The following LRP1B variants were observed in gnomAD, a reference collection of about 807,000 sequenced individuals.
LRP1B encodes the protein LDL receptor related protein 1B, also known as low-density lipoprotein receptor-related protein 1B.
In LRP1B, 217 loss-of-function variants were observed where a neutral mutation model predicts 556.6. The ratio of observed to expected loss-of-function variants is 0.39; its 90% CI spans 0.35 to 0.44. The LOEUF (loss-of-function observed/expected upper bound fraction) is 0.44. Ranked by LOEUF, LRP1B falls within the 20% of genes least tolerant of loss-of-function variation. The pLI, the probability that LRP1B is intolerant of heterozygous loss-of-function variation, is 1.00. For missense variants in LRP1B, 5,053 were observed against 5,620.8 expected (o/e 0.90, Z 3.23); for synonymous variants, 2,047 against 1,865.8 (o/e 1.10, Z -2.50).
At chr2:141,462,115 T>C (rs2105044550) in intron 3 of LRP1B, among the ~76,000 whole-genome samples, 1 of 152,282 alleles carries the variant, frequency 6.6e-6, no homozygotes, top group South Asian at 2.1e-4. Flanking sequence ...CTGAAAGCCT[T>C]CTCTCAGACA....
intron 18 of LRP1B, among the ~76,000 whole-genome samples, chr2:140,964,843 A>G (rs900169698): frequency 6.6e-6 from 1 of 152,138 alleles, no homozygotes; most frequent in African/African-American, 2.4e-5. Context: ...GCCACCCACA[A>G]CCTGGGAGGC....
At chr2:141,159,931 G>A (rs1679925893) in intron 7 of LRP1B, among the ~76,000 whole-genome samples, 1 of 152,040 alleles carries the variant, frequency 6.6e-6, no homozygotes, top group Admixed American at 6.6e-5. Context: ...TTATAAGTGG[G>A]AACTGAACAT....
intron 1 of LRP1B, among the ~76,000 whole-genome samples, chr2:141,980,543 G>C (rs1014504276): frequency 6.6e-6 from 1 of 152,060 alleles, no homozygotes; most frequent in African/African-American, 2.4e-5. Flanking sequence ...ACATTCAGTG[G>C]AGAAACTGGA....
chr2:140,679,780 C>T (rs1196655277), intron 41 of LRP1B, among the ~76,000 whole-genome samples: 2 of 151,628 alleles, frequency 1.3e-5, no homozygotes, highest in African/African-American at 2.4e-5. Context: ...CACCAAGATC[C>T]CACCTGGGTT....
At chr2:141,687,566 T>C (rs534073195) in intron 2 of LRP1B, among the ~76,000 whole-genome samples, 2 of 152,118 alleles carry the variant, frequency 1.3e-5, no homozygotes, top group East Asian at 3.9e-4. Context: ...ATAGAGTCAG[T>C]TGAATAAAAG....
At chr2:141,031,175 T>G (rs1353950267) in intron 11 of LRP1B, among the ~76,000 whole-genome samples, 1 of 151,662 alleles carries the variant, frequency 6.6e-6, no homozygotes. Context: ...TTTTAAGTGC[T>G]GAGACCATCA....
At chr2:140,878,591 G>C (rs112449234) in intron 25 of LRP1B, among the ~76,000 whole-genome samples, 2 of 152,212 alleles carry the variant, frequency 1.3e-5, no homozygotes, top group African/African-American at 2.4e-5. Context: ...TTATTTGTCA[G>C]TTGCTTTTAA....
At chr2:140,371,036 C>T (rs1051353282) in intron 70 of LRP1B, 143 bp downstream of exon 70, 2 of 788,400 alleles carry the variant, frequency 2.5e-6, no homozygotes, top group African/African-American at 1.8e-5. Context: ...CAGGTATTTG[C>T]TGAAATGATT....
chr2:141,554,955 A>G (rs1685907819), intron 2 of LRP1B, among the ~76,000 whole-genome samples: 2 of 151,994 alleles, frequency 1.3e-5, no homozygotes, highest in South Asian at 2.1e-4. Flanking sequence ...GTTAATGCAC[A>G]GAAGAGCTTC....
intron 2 of LRP1B, among the ~76,000 whole-genome samples, chr2:141,595,024 T>C (rs980290702): frequency 6.6e-6 from 1 of 152,116 alleles, no homozygotes; most frequent in Non-Finnish European, 1.5e-5. Context: ...ATATTAAGTA[T>C]TTTAAAAATC....
chr2:141,550,751 T>A (rs560864524), intron 2 of LRP1B, among the ~76,000 whole-genome samples: 92 of 152,270 alleles, frequency 6.0e-4, no homozygotes, highest in Non-Finnish European at 3.7e-4. Flanking sequence ...TAATTGCTTA[T>A]ACCAGTAAAA....
chr2:141,243,875 T>A (rs1309292103), intron 5 of LRP1B, among the ~76,000 whole-genome samples: 2 of 152,188 alleles, frequency 1.3e-5, no homozygotes, highest in Non-Finnish European at 2.9e-5. Flanking sequence ...TCTTCCCCCA[T>A]CTGCTGTAGT....
chr2:142,129,369 G>A (rs1269129736), intron 1 of LRP1B, among the ~76,000 whole-genome samples: 3 of 152,196 alleles, frequency 2.0e-5, no homozygotes, highest in Non-Finnish European at 4.4e-5. Context: ...ACTGGTAGAG[G>A]AAATAACACG....
At chr2:141,388,576 A>C (rs531647591) in intron 3 of LRP1B, among the ~76,000 whole-genome samples, 2 of 152,326 alleles carry the variant, frequency 1.3e-5, no homozygotes, top group South Asian at 4.1e-4. Flanking sequence ...GAAGTTTGAA[A>C]GTTTTCACCC....
In LRP1B at chr2:141,296,968, C is replaced by A. The variant is rs79241271; in HGVS notation, c.344-42327G>T. ...TGAGAACATGCAATATTTGATTTTA[C>A]GTTCCAGCATTAATTTCCTTAGAAT... On this transcript the variant is annotated intron_variant, in intron 3 of 90. Coordinates refer to ENST00000389484, the MANE Select transcript of LRP1B (RefSeq NM_018557.3). Among the ~76,000 whole-genome samples the A allele has an allele frequency of 2.6e-4, 40 of 152,278 alleles. No individual in the cohort carries two copies. In the East Asian group the frequency reaches 7.3e-3, roughly 28 times the overall value.
intron 25 of LRP1B, among the ~76,000 whole-genome samples, chr2:140,879,369 A>G (rs1283084350): frequency 6.6e-6 from 1 of 152,144 alleles, no homozygotes; most frequent in Non-Finnish European, 1.5e-5. Flanking sequence ...TTGATTCACT[A>G]AAATAAGTGA....
chr2:141,252,666 A>G (rs1243927715), intron 4 of LRP1B, among the ~76,000 whole-genome samples: 2 of 152,162 alleles, frequency 1.3e-5, no homozygotes, highest in Non-Finnish European at 2.9e-5. Flanking sequence ...GGAGAGCAAT[A>G]TGATCGATTA....
At chr2:141,753,498 T>C (rs1010882683) in intron 2 of LRP1B, among the ~76,000 whole-genome samples, 9 of 151,840 alleles carry the variant, frequency 5.9e-5, no homozygotes, top group East Asian at 1.9e-4. Flanking sequence ...TGGCTGGCCA[T>C]TGCTTATTAG....
intron 41 of LRP1B, among the ~76,000 whole-genome samples, chr2:140,644,984 A>T (rs115887706): frequency 0.018 from 2,670 of 152,278 alleles, 43 homozygotes; most frequent in Admixed American, 0.047. Flanking sequence ...GCCATTAAAC[A>T]TAAAATCTTC....
Sources: allele counts gnomAD v4.1 joint callset (sites outside exome capture counted in the v4.1 genomes callset), GRCh38; gene constraint gnomAD v4.1.1; transcripts MANE v1.5; gene names NCBI Gene and HGNC (gene_info 2026-07-23, HGNC 2026-07-21).